The following CDH13 variants were observed in gnomAD, a reference collection of about 807,000 sequenced individuals.
CDH13 encodes cadherin-13.
Under a neutral mutation model 63.8 loss-of-function variants are expected in CDH13, and 24 were observed. That is an observed-to-expected ratio of 0.38 (90% CI 0.27 to 0.53). CDH13 has a LOEUF of 0.53. CDH13 is among the 20% of genes least tolerant of loss of function. The pLI is 0.85. For missense variants in CDH13, 1,049 were observed against 903.1 expected, an observed-to-expected ratio of 1.16 and a Z score of -2.07; for synonymous variants, 503 against 355.3, an observed-to-expected ratio of 1.42 and a Z score of -4.67.
At chr16:83,158,689 C>A (rs1266292116) in intron 4 of CDH13, among the ~76,000 whole-genome samples, 1 of 152,246 alleles carries the variant, frequency 6.6e-6, no homozygotes, top group Non-Finnish European at 1.5e-5. Flanking sequence ...CACTCAGTCC[C>A]TGCCTGGTGC....
chr16:82,725,605 A>G (rs1005876004), intron 1 of CDH13, among the ~76,000 whole-genome samples: 2 of 152,238 alleles, frequency 1.3e-5, no homozygotes, highest in Non-Finnish European at 2.9e-5. Context: ...TGAATGCTAG[A>G]TATCCTCATT....
At position 83,286,526 on chromosome 16, in the gene CDH13, C is replaced by G. The variant is rs182989746; in HGVS notation, c.637-58336C>G. On this transcript the variant is annotated intron_variant, in intron 5 of 13. Coordinates refer to ENST00000567109, the MANE Select transcript of CDH13 (RefSeq NM_001257.5). ...ATCCCAGCACTTTGGGAGGCCAAGG[C>G]AGACGGATTGCCTGAGCTCAGGAGT... Among the ~76,000 whole-genome samples the G allele has an allele frequency of 5.3e-5, 8 of 152,138 alleles. No homozygotes were observed. The East Asian group carries it at 1.6e-3, about 30-fold the overall frequency.
intron 3 of CDH13, among the ~76,000 whole-genome samples, chr16:83,079,984 A>G (rs1164404676): frequency 2.0e-5 from 3 of 152,232 alleles, no homozygotes; most frequent in African/African-American, 7.2e-5. Context: ...TTTTAAAAGT[A>G]CTTTCACGTT....
At chr16:83,427,394 T>C (rs1334411558) in intron 6 of CDH13, among the ~76,000 whole-genome samples, 2 of 152,090 alleles carry the variant, frequency 1.3e-5, no homozygotes, top group African/African-American at 4.8e-5. Flanking sequence ...GTTAGAGTGA[T>C]GCAGCCCTGA....
intron 8 of CDH13, among the ~76,000 whole-genome samples, chr16:83,622,008 G>A (rs567776038): frequency 2.6e-5 from 4 of 152,008 alleles, no homozygotes; most frequent in East Asian, 3.9e-4. Flanking sequence ...AGGTCCAATG[G>A]GAAAATATAC....
At chr16:83,166,927 C>T (rs1488022401) in intron 4 of CDH13, among the ~76,000 whole-genome samples, 1 of 152,104 alleles carries the variant, frequency 6.6e-6, no homozygotes, top group Admixed American at 6.6e-5. Flanking sequence ...GCCTGTTGCA[C>T]CTCACAATTA....
chr16:83,753,499 T>C (rs1290103404), intron 11 of CDH13, among the ~76,000 whole-genome samples: 1 of 152,084 alleles, frequency 6.6e-6, no homozygotes, highest in Non-Finnish European at 1.5e-5. Flanking sequence ...TGAGCCAAGA[T>C]CACACCGCTG....
intron 6 of CDH13, among the ~76,000 whole-genome samples, chr16:83,469,424 G>A (rs937120579): frequency 2.0e-5 from 3 of 152,078 alleles, no homozygotes; most frequent in Admixed American, 6.6e-5. Context: ...GGTCGAGCAG[G>A]CCTTCCACAG....
intron 6 of CDH13, among the ~76,000 whole-genome samples, chr16:83,363,714 G>C (rs539963769): frequency 6.6e-6 from 1 of 152,324 alleles, no homozygotes; most frequent in East Asian, 1.9e-4. Context: ...TGTTCCGTCA[G>C]CCTGGCACAT....
chr16:82,811,268 A>G (rs1188765209), intron 1 of CDH13, among the ~76,000 whole-genome samples: 1 of 152,148 alleles, frequency 6.6e-6, no homozygotes, highest in African/African-American at 2.4e-5. Flanking sequence ...ATCATAGAAT[A>G]TGGAAAACAT....
intron 5 of CDH13, among the ~76,000 whole-genome samples, chr16:83,335,624 C>T (rs571983274): frequency 1.1e-4 from 17 of 152,248 alleles, no homozygotes; most frequent in South Asian, 1.0e-3. Context: ...CGCAAGCAGA[C>T]GGCCCAGCGC....
chr16:83,795,642 A>C lies in CDH13; in HGVS notation c.*612A>C, dbSNP rs931178660. ...GCCACAACCAGCCAGGCAGGTCCAC[A>C]GAGAGGGAGAGCAGAGAAAGAAGTC... On this transcript the variant is annotated 3_prime_UTR_variant, in exon 14 of 14. Coordinates refer to ENST00000567109, the MANE Select transcript of CDH13 (RefSeq NM_001257.5). 2.6e-5 allele frequency: 4 copies of C among 152,256 alleles called. No individual in the cohort carries two copies. Among genetic ancestry groups the C allele is most frequent in the African/African-American group, 9.7e-5 (4 of 41,448 alleles). The allele number at this position is 152,256 out of a possible 1,614,324, so 9.4% of individuals were successfully genotyped here.
intron 3 of CDH13, among the ~76,000 whole-genome samples, chr16:83,103,937 C>G (rs556136539): frequency 5.9e-5 from 9 of 152,284 alleles, no homozygotes; most frequent in African/African-American, 2.2e-4. Context: ...AAAAATTACT[C>G]CTTTCCTGTG....
rs1163458006 is a variant in CDH13, at chr16:82,697,420, TTTC to T, written c.45+70286_45+70288del. Among the ~76,000 whole-genome samples, 128 of 96,244 alleles carry T rather than the reference TTTC, an allele frequency of 1.3e-3. 8 individuals are homozygous for T. In the Middle Eastern group the frequency reaches 0.015, roughly 11 times the overall value. 63.1% of individuals were successfully genotyped at this position (96,244 alleles called of 152,430 possible). ...TTTAAGGGGGCCAAGGCATTTCTTT[TTTC>T]TTTTTTTTTTTTTTTTTTTTTTTTG... On this transcript the variant is annotated intron_variant, in intron 1 of 13. Transcript: ENST00000567109.
At chr16:83,620,721 T>G (rs560484101) in intron 8 of CDH13, among the ~76,000 whole-genome samples, 31 of 152,190 alleles carry the variant, frequency 2.0e-4, no homozygotes, top group Admixed American at 1.3e-3. Context: ...TGAGGTTAAG[T>G]GGCACCGATT....
chr16:82,694,540 CTG>C lies in CDH13; in HGVS notation c.45+67404_45+67405del, dbSNP rs1399225146. 2.6e-5 allele frequency among the ~76,000 whole-genome samples: 4 copies of C among 152,154 alleles called. No homozygotes were observed. In the East Asian group the frequency reaches 7.7e-4, roughly 29 times the overall value. ...TTATGATTATACTAAGACTATAAAA[CTG>C]AATCTCCCCTCCTTCCCTTCCTCCC... On this transcript the variant is annotated intron_variant, in intron 1 of 13. Transcript: ENST00000567109.
At chr16:83,372,904 A>G (rs1230095443) in intron 6 of CDH13, among the ~76,000 whole-genome samples, 3 of 152,206 alleles carry the variant, frequency 2.0e-5, no homozygotes, top group East Asian at 1.9e-4. Context: ...CTCACTGCCT[A>G]TGAATATGGA....
intron 5 of CDH13, among the ~76,000 whole-genome samples, chr16:83,271,368 C>G (rs1208053673): frequency 8.5e-6 from 1 of 117,886 alleles, no homozygotes; most frequent in Non-Finnish European, 1.6e-5. Flanking sequence ...CCACCAGCAA[C>G]ATTCTTGTGT....
chr16:82,935,021 C>T (rs372681678), intron 2 of CDH13, among the ~76,000 whole-genome samples: 12 of 152,276 alleles, frequency 7.9e-5, no homozygotes, highest in Middle Eastern at 3.4e-3. Context: ...GGCAGCACCC[C>T]GCTCCCTCGG....
Sources: gnomAD v4.1 joint callset for allele counts (sites outside exome capture counted in the v4.1 genomes callset) on GRCh38, gnomAD v4.1.1 for gene constraint, MANE v1.5 for transcripts, NCBI Gene and HGNC (gene_info 2026-07-23, HGNC 2026-07-21) for gene names.